The following LRRC1 variants were observed in gnomAD, a reference collection of about 807,000 sequenced individuals.
LRRC1 encodes leucine-rich repeat-containing protein 1.
In LRRC1, 28 loss-of-function variants were observed where a neutral mutation model predicts 69.9. The observed-to-expected ratio is 0.40, with a 90% CI of 0.30 to 0.55. The LOEUF is 0.55. LRRC1 is among the 20% of genes least tolerant of loss of function. The pLI is 0.47. For missense variants in LRRC1, 498 were observed against 609.0 expected, an observed-to-expected ratio of 0.82 and a Z score of 1.92; for synonymous variants, 236 against 240.2, an observed-to-expected ratio of 0.98 and a Z score of 0.16.
In LRRC1 at chr6:53,922,743, A is replaced by C; in HGVS notation, c.1525A>C (p.Asn509His). Residue 509 changes from asparagine (N) to histidine (H), a missense_variant, in exon 14 of 14, where the codon AAC becomes CAC. Transcript: ENST00000370888. ...DMNAAKGLDS[N>H]KNEVNHAIDR... ...GAATGCTGCTAAAGGACTGGACTCAAACAAAAACGAGGTCAATCATGCCAT... is the reference window on the plus strand; with the variant it reads ...GAATGCTGCTAAAGGACTGGACTCACACAAAAACGAGGTCAATCATGCCAT... The C allele has an allele frequency of 1.9e-6, 3 of 1,614,106 alleles. No homozygotes were observed. Among genetic ancestry groups the C allele is most frequent in the Non-Finnish European group, 2.5e-6 (3 of 1,179,968 alleles).
At chr6:53,863,327 C>T (rs1212777777) in intron 2 of LRRC1, among the ~76,000 whole-genome samples, 1 of 152,172 alleles carries the variant, frequency 6.6e-6, no homozygotes, top group Non-Finnish European at 1.5e-5. Context: ...TATTGTGACA[C>T]CTCATTTCCT....
At chr6:53,807,944 C>T (rs867758201) in intron 1 of LRRC1, among the ~76,000 whole-genome samples, 1 of 152,118 alleles carries the variant, frequency 6.6e-6, no homozygotes, top group South Asian at 2.1e-4. Context: ...AGTTTATGGG[C>T]AGAAAGAAGG....
At chr6:53,862,294 TG>T (rs1766553467) in intron 2 of LRRC1, among the ~76,000 whole-genome samples, 1 of 63,656 alleles carries the variant, frequency 1.6e-5, no homozygotes, top group East Asian at 1.6e-3. Flanking sequence ...ATCGTGTGTG[TG>T]TGTGTGTGTG....
chr6:53,837,870 T>C (rs1765656398), intron 1 of LRRC1, among the ~76,000 whole-genome samples: 1 of 152,186 alleles, frequency 6.6e-6, no homozygotes, highest in African/African-American at 2.4e-5. Context: ...TCTAAGAAGA[T>C]GGGTGTAGCA....
Position 53,795,219 on chromosome 6 carries a change from G to C in LRRC1, c.-38G>C, listed in dbSNP as rs1764252380. ...GAGCGGGCTCGGAGCCCGGGTCTCC[G>C]CCGCTCGGGACCCGGCTAGGCGGCG... On this transcript the variant is annotated 5_prime_UTR_variant, in exon 1 of 14. Coordinates refer to ENST00000370888, the MANE Select transcript of LRRC1 (RefSeq NM_018214.5). 1.3e-6 allele frequency: 2 copies of C among 1,558,434 alleles called. No individual in the cohort carries two copies. The highest frequency in any genetic ancestry group is 4.6e-5 in the East Asian group (2 of 43,570).
At chr6:53,875,743 G>A (rs559538651) in intron 2 of LRRC1, among the ~76,000 whole-genome samples, 21 of 152,156 alleles carry the variant, frequency 1.4e-4, no homozygotes, top group South Asian at 1.0e-3. Context: ...TGGTAGTGGC[G>A]GTTTTTGTTA....
chr6:53,840,907 TGTGTGTGTGTGTGTGTGTGTGC>T (rs1562038834), intron 1 of LRRC1, among the ~76,000 whole-genome samples: 1 of 141,172 alleles, frequency 7.1e-6, no homozygotes, highest in Non-Finnish European at 1.6e-5. Context: ...TGTGTGTGTG[TGTGTGTGTGTGTGTGTGTGTGC>T]GTGCGCGCAC....
intron 2 of LRRC1, among the ~76,000 whole-genome samples, chr6:53,872,325 A>G (rs1766914125): frequency 6.6e-6 from 1 of 152,132 alleles, no homozygotes; most frequent in East Asian, 1.9e-4. Context: ...TAAGTTCTTC[A>G]GTGGTGATTT....
chr6:53,850,492 C>T (rs2127419148), intron 2 of LRRC1, among the ~76,000 whole-genome samples: 1 of 152,296 alleles, frequency 6.6e-6, no homozygotes, highest in East Asian at 1.9e-4. Context: ...TCTCTGTGAA[C>T]TATTCACTGA....
intron 1 of LRRC1, among the ~76,000 whole-genome samples, chr6:53,823,836 G>C (rs1038218824): frequency 6.6e-6 from 1 of 152,134 alleles, no homozygotes; most frequent in African/African-American, 2.4e-5. Flanking sequence ...CTCTTTCATG[G>C]CTGCAGAGTA....
At chr6:53,833,134 C>T (rs544906515) in intron 1 of LRRC1, among the ~76,000 whole-genome samples, 1 of 152,300 alleles carries the variant, frequency 6.6e-6, no homozygotes, top group East Asian at 1.9e-4. Context: ...TCTGCACCAT[C>T]AGTCTGGTCC....
intron 4 of LRRC1, among the ~76,000 whole-genome samples, chr6:53,883,677 G>A (rs559811041): frequency 1.3e-5 from 2 of 152,300 alleles, no homozygotes; most frequent in African/African-American, 4.8e-5. Flanking sequence ...GGTTAAATCA[G>A]GTTGATGCAG....
chr6:53,881,497 C>A (rs750093754), intron 3 of LRRC1, among the ~76,000 whole-genome samples: 1 of 152,166 alleles, frequency 6.6e-6, no homozygotes, highest in Non-Finnish European at 1.5e-5. Context: ...AGATAAGTTG[C>A]ATCTTTTGAA....
intron 2 of LRRC1, among the ~76,000 whole-genome samples, chr6:53,871,155 G>A (rs528471706): frequency 6.6e-6 from 1 of 152,110 alleles, no homozygotes; most frequent in Non-Finnish European, 1.5e-5. Flanking sequence ...TATGTATCTG[G>A]TAGTGGGATT....
At chr6:53,904,595 A>G in intron 10 of LRRC1, 133 bp downstream of exon 10, 1 of 535,032 alleles carries the variant, frequency 1.9e-6, no homozygotes. Context: ...TAAATCTGTG[A>G]GTATAGAGCC....
chr6:53,800,440 C>T (rs568586165), intron 1 of LRRC1, among the ~76,000 whole-genome samples: 2 of 150,690 alleles, frequency 1.3e-5, no homozygotes, highest in South Asian at 2.1e-4. Flanking sequence ...TTAATAGAGA[C>T]GGGGTTTCAC....
At chr6:53,882,784 T>C (rs1285669044) in intron 3 of LRRC1, 103 bp from the exon 4 acceptor site, 4 of 656,518 alleles carry the variant, frequency 6.1e-6, no homozygotes, top group Non-Finnish European at 1.0e-5. Context: ...TTTAGGAGGT[T>C]ATTTCAGTTA....
At chr6:53,840,995 C>T (rs1013946792) in intron 1 of LRRC1, among the ~76,000 whole-genome samples, 2 of 151,542 alleles carry the variant, frequency 1.3e-5, no homozygotes, top group Admixed American at 6.6e-5. Flanking sequence ...TGTTTGGAAG[C>T]TCCGTGTGTT....
At chr6:53,846,322 T>TTA (rs1166063269) in intron 2 of LRRC1, among the ~76,000 whole-genome samples, 2 of 152,198 alleles carry the variant, frequency 1.3e-5, no homozygotes, top group African/African-American at 4.8e-5. Flanking sequence ...AAGGATTTAT[T>TTA]TATTTTTTTT....
Sources: allele counts gnomAD v4.1 joint callset (sites outside exome capture counted in the v4.1 genomes callset), GRCh38; gene constraint gnomAD v4.1.1; transcripts MANE v1.5; gene names NCBI Gene and HGNC (gene_info 2026-07-23, HGNC 2026-07-21).